The following ATAD2B variants were observed in gnomAD, a reference collection of about 807,000 sequenced individuals.
ATAD2B encodes the protein ATPase family AAA domain-containing protein 2B.
ATAD2B carries 40 observed loss-of-function variants against 167.6 expected under a neutral mutation model. The observed-to-expected ratio is 0.24, with a 90% CI of 0.19 to 0.31. ATAD2B has a LOEUF of 0.31. Among genes scored for constraint, ATAD2B ranks in the 10% least tolerant of loss-of-function variants. The pLI, the probability that ATAD2B is intolerant of heterozygous loss-of-function variation, is 1.00. For missense variants in ATAD2B, 1,242 were observed against 1,757.2 expected (o/e 0.71, Z 5.24); for synonymous variants, 579 against 596.5 (o/e 0.97, Z 0.43).
intron 2 of ATAD2B, among the ~76,000 whole-genome samples, chr2:23,893,713 G>A (rs80328442): frequency 0.038 from 5,578 of 146,130 alleles, 104 homozygotes; most frequent in Middle Eastern, 0.045. Context: ...TCTGCCACCC[G>A]GGATGGAGTG....
intron 13 of ATAD2B, among the ~76,000 whole-genome samples, chr2:23,839,105 T>C (rs79319589): frequency 0.012 from 1,894 of 152,298 alleles, 37 homozygotes; most frequent in African/African-American, 0.043. Flanking sequence ...AAAATTTATG[T>C]TTATATTGAT....
Position 23,810,386 on chromosome 2 carries a change from G to C in ATAD2B, c.2384C>G (p.Ser795Cys), listed in dbSNP as rs1318575439. ...TGCTGGGAGATCTAGTCTATGCACA[G>C]AGAATCTTTCTAGAGTGTGCAAAAG... is the stretch of plus-strand genomic sequence containing the variant. Reference protein sequence around the residue: ...PALLHTLERFSVHRLDLPALY... With the variant: ...PALLHTLERFCVHRLDLPALY... Residue 795 changes from serine to cysteine, a missense_variant, in exon 18 of 28, where the codon TCT becomes TGT. Coordinates refer to ENST00000238789, the MANE Select transcript of ATAD2B (RefSeq NM_017552.4). The C allele has an allele frequency of 6.2e-7, 1 of 1,613,890 alleles. No individual in the cohort carries two copies. The highest frequency in any genetic ancestry group is 2.2e-5 in the East Asian group (1 of 44,880).
At chr2:23,887,784 T>TA in intron 4 of ATAD2B, 48 bp downstream of exon 4, 1 of 1,477,534 alleles carries the variant, frequency 6.8e-7, no homozygotes, top group Non-Finnish European at 9.0e-7. Flanking sequence ...GTAACTGTCT[T>TA]AAAAACCAAA....
At chr2:23,784,103 G>A (rs1306548435) in intron 21 of ATAD2B, among the ~76,000 whole-genome samples, 1 of 152,026 alleles carries the variant, frequency 6.6e-6, no homozygotes, top group Non-Finnish European at 1.5e-5. Context: ...AACTACCTCA[G>A]AAGATATTAG....
At chr2:23,811,414 C>T (rs961350677) in intron 17 of ATAD2B, 2 of 152,334 alleles carry the variant, frequency 1.3e-5, no homozygotes, top group Non-Finnish European at 2.9e-5. Context: ...AAGGCATCAT[C>T]TTAGAGGCAG....
At chr2:23,829,577 CCT>C (rs758869797) in intron 14 of ATAD2B, among the ~76,000 whole-genome samples, 21 of 151,952 alleles carry the variant, frequency 1.4e-4, no homozygotes, top group Non-Finnish European at 2.5e-4. Context: ...ATAGTGACAC[CCT>C]GTCTCTACAA....
At position 23,823,439 on chromosome 2, in the gene ATAD2B, G is replaced by C. The variant is rs1445033261; in HGVS notation, c.1950C>G (p.Ala650=). The change falls in exon 16 of 28, where the codon GCC becomes GCG. Residue 650 remains alanine (A), a synonymous_variant. Transcript: ENST00000238789. ...TCTGCATTGCATGGTAAAAATCTTG[G>C]GCACTAAGCACTATTGAGGAAACAT... ...QLDVSSIVLS[A]QDFYHAMQNI... The C allele has an allele frequency of 2.5e-6, 4 of 1,613,916 alleles. No individual in the cohort carries two copies. In the South Asian group the frequency reaches 3.3e-5, roughly 13 times the overall value.
intron 15 of ATAD2B, among the ~76,000 whole-genome samples, chr2:23,828,296 T>C (rs1688541686): frequency 6.6e-6 from 1 of 152,132 alleles, no homozygotes; most frequent in African/African-American, 2.4e-5. Context: ...GTAGTGTTCA[T>C]TCACTCTGTG....
At chr2:23,755,286 A>G (rs528626727) in intron 25 of ATAD2B, among the ~76,000 whole-genome samples, 2 of 152,314 alleles carry the variant, frequency 1.3e-5, no homozygotes, top group South Asian at 2.1e-4. Flanking sequence ...ATTGATTCAG[A>G]GTTTAACATT....
chr2:23,853,427 C>T (rs1199208380), intron 13 of ATAD2B, among the ~76,000 whole-genome samples: 1 of 152,022 alleles, frequency 6.6e-6, no homozygotes, highest in African/African-American at 2.4e-5. Context: ...CAGCAGTAAG[C>T]AATTAGAAAA....
At chr2:23,727,445 A>G in the ATAD2B span, among the ~76,000 whole-genome samples, 1 of 152,372 alleles carries the variant, frequency 6.6e-6, no homozygotes, top group East Asian at 1.9e-4. Flanking sequence ...TGTGGGACAA[A>G]CAAGAACACT....
chr2:23,920,218 G>A (rs568232651), intron 1 of ATAD2B, among the ~76,000 whole-genome samples: 1 of 151,866 alleles, frequency 6.6e-6, no homozygotes, highest in Admixed American at 6.6e-5. Context: ...TCAGGATACA[G>A]GTTTCAACAT....
chr2:23,924,075 CGGGAG>C (rs1273249222), intron 1 of ATAD2B, among the ~76,000 whole-genome samples: 1 of 146,354 alleles, frequency 6.8e-6, no homozygotes, highest in Non-Finnish European at 1.5e-5. Flanking sequence ...CCCAGCTACT[CGGGAG>C]GCTGAGGCAG....
downstream of ATAD2B, among the ~76,000 whole-genome samples, chr2:23,747,500 T>C (rs956322247): frequency 6.6e-6 from 1 of 152,096 alleles, no homozygotes; most frequent in African/African-American, 2.4e-5. Context: ...AAAAGCCAGA[T>C]AGAGATGAAG....
At chr2:23,833,328 A>G (rs552936782) in intron 14 of ATAD2B, among the ~76,000 whole-genome samples, 10 of 152,196 alleles carry the variant, frequency 6.6e-5, no homozygotes, top group Non-Finnish European at 1.2e-4. Context: ...TTTCTAATGA[A>G]AAGCCAGTCA....
intron 22 of ATAD2B, among the ~76,000 whole-genome samples, chr2:23,780,537 A>C (rs1183726802): frequency 6.6e-6 from 1 of 152,122 alleles, no homozygotes; most frequent in Non-Finnish European, 1.5e-5. Flanking sequence ...TTTCATGTGA[A>C]ATTGAGAAAT....
intron 25 of ATAD2B, among the ~76,000 whole-genome samples, chr2:23,756,985 G>A (rs1676023555): frequency 6.6e-6 from 1 of 152,094 alleles, no homozygotes; most frequent in Non-Finnish European, 1.5e-5. Flanking sequence ...TTTAATCTAG[G>A]TCTATATTAC....
downstream of ATAD2B, among the ~76,000 whole-genome samples, chr2:23,744,309 G>A (rs1674684197): frequency 6.6e-6 from 1 of 151,204 alleles, no homozygotes; most frequent in African/African-American, 2.4e-5. Flanking sequence ...GAGAAGGAGG[G>A]TTCTAGAATC....
intron 22 of ATAD2B, among the ~76,000 whole-genome samples, chr2:23,780,493 T>C (rs1186095345): frequency 2.0e-5 from 3 of 152,178 alleles, no homozygotes; most frequent in African/African-American, 7.2e-5. Context: ...ATCTGTGATT[T>C]ATTATGGTTG....
Sources: gnomAD v4.1 joint callset for allele counts (sites outside exome capture counted in the v4.1 genomes callset) on GRCh38, gnomAD v4.1.1 for gene constraint, MANE v1.5 for transcripts, NCBI Gene and HGNC (gene_info 2026-07-23, HGNC 2026-07-21) for gene names.